Variants in STK11 observed in about 807,000 individuals in gnomAD.
STK11 encodes the protein serine/threonine-protein kinase STK11.
In STK11, 8 loss-of-function variants were observed where a neutral mutation model predicts 47.3. That is an observed-to-expected ratio of 0.17 (90% CI 0.10 to 0.31). The LOEUF (loss-of-function observed/expected upper bound fraction) is 0.31, where lower values mean the gene tolerates loss of function less well. Among genes scored for constraint, STK11 ranks in the 10% least tolerant of loss-of-function variants. STK11 has a pLI of 1.00. For missense variants in STK11, 475 were observed against 605.0 expected (o/e 0.79, Z 2.25); for synonymous variants, 330 against 255.8 (o/e 1.29, Z -2.77).
chr19:1,210,295 C>T (rs765654543), intron 1 of STK11, among the ~76,000 whole-genome samples: 4 of 152,180 alleles, frequency 2.6e-5, no homozygotes, highest in Non-Finnish European at 4.4e-5. Flanking sequence ...GGGAAAAAGC[C>T]TCCTTTGTGT....
At chr19:1,226,358 G>A in intron 8 of STK11, 96 bp from the exon 9 acceptor site, 1 of 1,533,656 alleles carries the variant, frequency 6.5e-7, no homozygotes, top group Non-Finnish European at 8.8e-7. Flanking sequence ...CTGGGCAGCA[G>A]CTGTAAGTGC....
intron 1 of STK11, among the ~76,000 whole-genome samples, chr19:1,217,851 C>T (rs1247591721): frequency 6.6e-6 from 1 of 152,168 alleles, no homozygotes; most frequent in African/African-American, 2.4e-5. Context: ...AGTCTGGTTT[C>T]TAGGAAGCAA....
intron 8 of STK11, chr19:1,225,342 G>A (rs1019340661): frequency 2.5e-5 from 24 of 946,826 alleles, no homozygotes; most frequent in Middle Eastern, 5.3e-4. Flanking sequence ...GTGCGATCTC[G>A]GCTCACTGCA....
chr19:1,210,278 C>T (rs757498718), intron 1 of STK11, among the ~76,000 whole-genome samples: 22 of 152,278 alleles, frequency 1.4e-4, no homozygotes, highest in South Asian at 2.1e-4. Context: ...TTGCTGCCAG[C>T]GCTGCAGGGA....
rs2145404205 is a variant in STK11, at chr19:1,206,877, A to G, written c.-37A>G. On this transcript the variant is annotated 5_prime_UTR_variant, in exon 1 of 10. Coordinates refer to ENST00000326873, the MANE Select transcript of STK11 (RefSeq NM_000455.5). ...GGAAGGACCGCTCACCCGCGGACTC[A>G]GGGCTGGCGGCGGGACTCCAGGACC... The G allele has an allele frequency of 6.5e-7, 1 of 1,536,652 alleles. No individual in the cohort carries two copies. The highest frequency in any genetic ancestry group is 8.8e-7 in the Non-Finnish European group (1 of 1,134,712).
chr19:1,213,971 C>T (rs1212424876), intron 1 of STK11, among the ~76,000 whole-genome samples: 5 of 152,200 alleles, frequency 3.3e-5, no homozygotes, highest in Non-Finnish European at 5.9e-5. Flanking sequence ...GCTTGAGTGG[C>T]GTTTATGACT....
rs1279296076 is a variant in STK11, at chr19:1,206,226, G to C, written c.-688G>C. ...CGGGCCCTCGCGGGCGCCGGGCAGC[G>C]ACCAGCCCTGAGCGGAGCTGTTGGC... On this transcript the variant is annotated 5_prime_UTR_variant, in exon 1 of 10. Coordinates refer to ENST00000326873, the MANE Select transcript of STK11 (RefSeq NM_000455.5). The C allele has an allele frequency of 5.3e-6, 1 of 187,282 alleles. No homozygotes were observed. Among genetic ancestry groups the C allele is most frequent in the Non-Finnish European group, 1.1e-5 (1 of 89,474 alleles). The allele number at this position is 187,282 out of a possible 1,614,324, so 11.6% of individuals were successfully genotyped here.
intron 7 of STK11, among the ~76,000 whole-genome samples, chr19:1,222,479 C>T (rs866130109): frequency 2.0e-5 from 3 of 152,326 alleles, no homozygotes; most frequent in Middle Eastern, 3.4e-3. Context: ...CCCTGGAGGC[C>T]CTTGAGCCGT....
intron 2 of STK11, among the ~76,000 whole-genome samples, chr19:1,218,722 G>C (rs574213096): frequency 3.9e-5 from 6 of 152,314 alleles, no homozygotes; most frequent in Non-Finnish European, 8.8e-5. Context: ...GGGCCCGTGG[G>C]GTGTCAAGTC....
At chr19:1,226,044 T>A (rs1568716067) in intron 8 of STK11, 1 of 1,026,112 alleles carries the variant, frequency 9.7e-7, no homozygotes, top group Non-Finnish European at 1.2e-6. Flanking sequence ...GGCCCTCCTG[T>A]GTCCTCACAG....
intron 8 of STK11, chr19:1,225,758 G>A: frequency 1.0e-5 from 10 of 985,592 alleles, no homozygotes; most frequent in Non-Finnish European, 1.2e-5. Context: ...GGATGGCTCG[G>A]CAGCCAGTGT....
chr19:1,224,248 A>C (rs2080806128), intron 8 of STK11: 3 of 985,250 alleles, frequency 3.0e-6, no homozygotes, highest in Admixed American at 6.1e-5. Context: ...GGGGCCCCCC[A>C]GGAGGGTACA....
In STK11 at chr19:1,212,345, G is replaced by A. The variant is rs151134067; in HGVS notation, c.290+5142G>A. ...ATCGCCGAGGCTGGAGTGCAGTGGC[G>A]CAATCATAGCTCTGGGCTCAGGTGA... is the stretch of plus-strand genomic sequence containing the variant. On this transcript the variant is annotated intron_variant, in intron 1 of 9. Coordinates refer to ENST00000326873, the MANE Select transcript of STK11 (RefSeq NM_000455.5). 6.1e-3 allele frequency among the ~76,000 whole-genome samples: 810 copies of A among 132,290 alleles called. 7 individuals are homozygous for A. The highest frequency in any genetic ancestry group is 0.023 in the African/African-American group (755 of 32,786). 86.8% of individuals were successfully genotyped at this position (132,290 alleles called of 152,430 possible). A position where few individuals can be genotyped will look rare whatever the true frequency, so the allele number is the denominator to read the frequency against.
At chr19:1,221,758 G>T (rs1408161451) in intron 6 of STK11, 191 bp from the exon 7 acceptor site, 1 of 656,968 alleles carries the variant, frequency 1.5e-6, no homozygotes, top group African/African-American at 1.8e-5. Context: ...TGCCAGCCGC[G>T]CACAGGCTGT....
At chr19:1,218,386 G>A in intron 1 of STK11, 31 bp from the exon 2 acceptor site, 2 of 1,593,550 alleles carry the variant, frequency 1.3e-6, no homozygotes, top group Non-Finnish European at 8.6e-7. Flanking sequence ...ACGTTGGGTC[G>A]GCTGATACAC....
At chr19:1,209,771 C>G (rs890228667) in intron 1 of STK11, among the ~76,000 whole-genome samples, 1 of 151,350 alleles carries the variant, frequency 6.6e-6, no homozygotes, top group African/African-American at 2.4e-5. Flanking sequence ...AGCACCTGAA[C>G]GGTAGGGCAG....
chr19:1,218,736 T>G (rs2080760900), intron 2 of STK11, among the ~76,000 whole-genome samples: 3 of 152,140 alleles, frequency 2.0e-5, no homozygotes. Context: ...TCAAGTCCCT[T>G]TTTTCTCAGA....
At chr19:1,225,965 C>G in intron 8 of STK11, 3 of 991,734 alleles carry the variant, frequency 3.0e-6, no homozygotes, top group Non-Finnish European at 3.6e-6. Context: ...CCCTGGCAGG[C>G]TGAGCTCTGC....
In STK11 at chr19:1,227,345, G is replaced by T. The variant is rs551949775; in HGVS notation, c.*17-248G>T. On this transcript the variant is annotated intron_variant, in intron 9 of 9. Transcript: ENST00000326873. ...TTGGGGGCCACCGCCTGAGTTACAT[G>T]TCTGTCCCCCAAATGGGTGCCCACA... 212 of 217,956 alleles carry T rather than the reference G, an allele frequency of 9.7e-4. 4 individuals carry two copies. The East Asian group carries it at 0.017, about 17-fold the overall frequency. 13.5% of individuals were successfully genotyped at this position (217,956 alleles called of 1,614,324 possible). A position where few individuals can be genotyped will look rare whatever the true frequency, so the allele number is the denominator to read the frequency against.
Sources: gnomAD v4.1 joint callset for allele counts (sites outside exome capture counted in the v4.1 genomes callset) on GRCh38, gnomAD v4.1.1 for gene constraint, MANE v1.5 for transcripts, NCBI Gene and HGNC (gene_info 2026-07-23, HGNC 2026-07-21) for gene names.